Variants in MED13L observed in about 807,000 individuals in gnomAD.
MED13L encodes the protein mediator complex subunit 13L.
A neutral mutation model predicts 220.9 loss-of-function variants in MED13L; 7 were observed. That is an observed-to-expected ratio of 0.03 (90% CI 0.02 to 0.06). The LOEUF (loss-of-function observed/expected upper bound fraction) is 0.06. MED13L is among the 10% of genes least tolerant of loss of function. The probability of loss-of-function intolerance (pLI) is 1.00; values close to 1 mark genes in which losing one functional copy is unlikely to be tolerated. For missense variants in MED13L, 1,965 were observed against 2,760.5 expected (o/e 0.71, Z 6.46); for synonymous variants, 1,011 against 1,015.2 (o/e 1.00, Z 0.08).
At chr12:116,008,199 T>C in intron 10 of MED13L, 1 of 651,574 alleles carries the variant, frequency 1.5e-6, no homozygotes, top group Non-Finnish European at 2.5e-6. Flanking sequence ...GAGTTCTTTA[T>C]ATGCCCATGT....
chr12:115,959,411 T>G lies in MED13L; in HGVS notation c.*1855A>C, dbSNP rs1406822968. ...TTAAAAAAAAAATTCAAAGTTCTGA[T>G]GAATTCCGGGAAAAAAGCAACCCCA... On this transcript the variant is annotated 3_prime_UTR_variant, in exon 31 of 31. Transcript: ENST00000281928. The G allele has an allele frequency of 1.3e-5, 2 of 152,504 alleles. No homozygotes were observed. Among genetic ancestry groups the G allele is most frequent in the Admixed American group, 6.5e-5 (1 of 15,268 alleles). 9.4% of individuals were successfully genotyped at this position (152,504 alleles called of 1,614,324 possible).
At chr12:116,112,035 C>T (rs1874132255) in intron 2 of MED13L, among the ~76,000 whole-genome samples, 1 of 152,038 alleles carries the variant, frequency 6.6e-6, no homozygotes. Context: ...TACATCTTCC[C>T]AGAACATCAA....
At chr12:116,189,051 T>C (rs1001461328) in intron 2 of MED13L, among the ~76,000 whole-genome samples, 1 of 152,180 alleles carries the variant, frequency 6.6e-6, no homozygotes, top group Admixed American at 6.5e-5. Context: ...AAACATACGT[T>C]TTCACTTCTC....
At chr12:116,009,266 A>T (rs908314567) in intron 9 of MED13L, 134 bp from the exon 10 acceptor site, 7 of 821,236 alleles carry the variant, frequency 8.5e-6, no homozygotes, top group Non-Finnish European at 1.1e-5. Flanking sequence ...TTATACTTAT[A>T]TAACTAAAAA....
chr12:116,208,175 A>T lies in MED13L; in HGVS notation c.310+29293T>A, dbSNP rs140694022. On this transcript the variant is annotated intron_variant, in intron 2 of 30. Transcript: ENST00000281928. ...TTTGGGAGGCCGAGACAGGAGGATC[A>T]CCTGAGTTCAGGAGTTTGAGACCAG... Among the ~76,000 whole-genome samples the T allele has an allele frequency of 3.9e-5, 6 of 152,286 alleles. No individual in the cohort carries two copies. In the East Asian group the frequency reaches 5.8e-4, roughly 15 times the overall value.
intron 4 of MED13L, among the ~76,000 whole-genome samples, chr12:116,054,193 T>TACACAC (rs529817189): frequency 3.8e-4 from 56 of 148,224 alleles, no homozygotes; most frequent in Admixed American, 2.1e-3. Flanking sequence ...TAACAACTAT[T>TACACAC]ACACACACAC....
intron 2 of MED13L, among the ~76,000 whole-genome samples, chr12:116,131,303 C>G (rs1413747510): frequency 6.6e-6 from 1 of 152,192 alleles, no homozygotes; most frequent in Non-Finnish European, 1.5e-5. Context: ...TATGTGCCAG[C>G]TAAGCACATA....
intron 1 of MED13L, among the ~76,000 whole-genome samples, chr12:116,255,466 G>T (rs1329948940): frequency 6.6e-6 from 1 of 152,152 alleles, no homozygotes; most frequent in Non-Finnish European, 1.5e-5. Context: ...TTCCTGCTTT[G>T]GGATGGCAAA....
chr12:116,233,394 T>C (rs1307679738), intron 2 of MED13L, among the ~76,000 whole-genome samples: 1 of 152,178 alleles, frequency 6.6e-6, no homozygotes, highest in African/African-American at 2.4e-5. Flanking sequence ...TATTACTAAG[T>C]TAATCTTCCT....
At chr12:116,253,333 C>A (rs1393578992) in intron 1 of MED13L, among the ~76,000 whole-genome samples, 2 of 149,786 alleles carry the variant, frequency 1.3e-5, no homozygotes, top group African/African-American at 2.5e-5. Context: ...ACAAGAAAAT[C>A]TCCAAGGCAA....
At chr12:116,136,123 GA>G (rs1876529745) in intron 2 of MED13L, among the ~76,000 whole-genome samples, 1 of 152,080 alleles carries the variant, frequency 6.6e-6, no homozygotes, top group Non-Finnish European at 1.5e-5. Context: ...GGCTGGTCTT[GA>G]ATTTCTGACC....
chr12:115,991,927 A>C lies in MED13L; in HGVS notation c.3027T>G (p.Asp1009Glu). 6.3e-7 allele frequency: 1 copy of C among 1,599,904 alleles called. No individual in the cohort carries two copies. Among genetic ancestry groups the C allele is most frequent in the South Asian group, 1.1e-5 (1 of 91,070 alleles). The change falls in exon 17 of 31, where the codon GAT (aspartate) becomes GAG (glutamate). Residue 1009 changes from aspartate to glutamate, a missense_variant. Coordinates refer to ENST00000281928, the MANE Select transcript of MED13L (RefSeq NM_015335.5). The surrounding 1 kb of genome is among the most constrained non-coding windows in gnomAD (Gnocchi z 7.7). ...TCTGTGGTGTGTTCAGATAGTCTGG[A>C]TCTGCTAGGCTCCCAACACTAGGCA... Reference protein sequence around the residue: ...NNVPSVGSLADPDYLNTPQMN... With the variant: ...NNVPSVGSLAEPDYLNTPQMN...
At chr12:116,246,603 T>C (rs1871114184) in intron 1 of MED13L, among the ~76,000 whole-genome samples, 1 of 149,338 alleles carries the variant, frequency 6.7e-6, no homozygotes, top group South Asian at 2.2e-4. Context: ...ACTTGACCTA[T>C]TTGAGACCAG....
intron 25 of MED13L, among the ~76,000 whole-genome samples, chr12:115,974,219 T>C (rs1006077437): frequency 3.3e-5 from 5 of 152,204 alleles, no homozygotes; most frequent in Non-Finnish European, 7.3e-5. Flanking sequence ...AGCAACCATC[T>C]GGCCTGCAAA....
At chr12:116,097,949 A>G (rs921347180) in intron 3 of MED13L, among the ~76,000 whole-genome samples, 2 of 152,216 alleles carry the variant, frequency 1.3e-5, no homozygotes, top group African/African-American at 4.8e-5. Context: ...ACTGATTTTA[A>G]AAACATAAAA....
At chr12:116,183,986 A>G (rs1198843742) in intron 2 of MED13L, among the ~76,000 whole-genome samples, 1 of 152,206 alleles carries the variant, frequency 6.6e-6, no homozygotes, top group Non-Finnish European at 1.5e-5. Flanking sequence ...AGCTCCAAAT[A>G]CAGTTTACAA....
intron 2 of MED13L, among the ~76,000 whole-genome samples, chr12:116,147,420 T>C (rs753955576): frequency 2.0e-5 from 3 of 152,234 alleles, no homozygotes; most frequent in Non-Finnish European, 4.4e-5. Flanking sequence ...AGTATCAGAC[T>C]CTTCACATCA....
intron 2 of MED13L, among the ~76,000 whole-genome samples, chr12:116,180,601 A>G (rs1431649961): frequency 6.6e-6 from 1 of 152,148 alleles, no homozygotes; most frequent in African/African-American, 2.4e-5. Flanking sequence ...TAGTGCCACA[A>G]TTAAGAAACT....
chr12:116,196,831 G>A (rs1881658292), intron 2 of MED13L, among the ~76,000 whole-genome samples: 1 of 152,238 alleles, frequency 6.6e-6, no homozygotes, highest in African/African-American at 2.4e-5. Context: ...TTAAAGTTTT[G>A]TGTATTTTAG....
Sources: allele counts gnomAD v4.1 joint callset (sites outside exome capture counted in the v4.1 genomes callset), GRCh38; gene constraint gnomAD v4.1.1; non-coding constraint Gnocchi (gnomAD v3.1); transcripts MANE v1.5; gene names NCBI Gene and HGNC (gene_info 2026-07-23, HGNC 2026-07-21).